Variants in ANLN observed in about 807,000 individuals in gnomAD.
The protein encoded by ANLN is anillin.
A neutral mutation model predicts 135.1 loss-of-function variants in ANLN; 59 were observed. The observed-to-expected ratio is 0.44, with a 90% CI of 0.35 to 0.54. The LOEUF is 0.54. Among genes scored for constraint, ANLN ranks in the 20% least tolerant of loss-of-function variants. ANLN has a pLI of 0.00. For missense variants in ANLN, 1,182 were observed against 1,340.0 expected, an observed-to-expected ratio of 0.88 and a Z score of 1.84; for synonymous variants, 406 against 456.4, an observed-to-expected ratio of 0.89 and a Z score of 1.41.
In ANLN at chr7:36,408,036, G is replaced by GA. The variant is rs1222919915; in HGVS notation, c.1096+82dup. 4 of 1,126,952 alleles carry GA rather than the reference G, an allele frequency of 3.5e-6. No individual in the cohort carries two copies. In the Admixed American group the frequency reaches 8.9e-5, roughly 25 times the overall value. The allele number at this position is 1,126,952 out of a possible 1,614,324, so 69.8% of individuals were successfully genotyped here. On this transcript the variant is annotated intron_variant, in intron 5 of 23. Transcript: ENST00000265748. ...CTCAGCATTTTAAATATTCAATTGTGAATGGTACAGCAATGATTTGCCAGG... is the reference window on the plus strand; with the variant it reads ...CTCAGCATTTTAAATATTCAATTGTGAAATGGTACAGCAATGATTTGCCAGG...
intron 22 of ANLN, 136 bp downstream of exon 22, chr7:36,443,998 T>A (rs1343400584): frequency 1.7e-6 from 1 of 593,066 alleles, no homozygotes; most frequent in Admixed American, 3.7e-5. Context: ...CCATTAAAAA[T>A]GTTCTTGTTG....
At chr7:36,398,256 C>T (rs890524815) in intron 2 of ANLN, among the ~76,000 whole-genome samples, 1 of 151,256 alleles carries the variant, frequency 6.6e-6, no homozygotes, top group African/African-American at 2.4e-5. Context: ...AATATTTGTA[C>T]TGGTGAATTT....
intron 15 of ANLN, 147 bp downstream of exon 15, chr7:36,424,090 G>A (rs1020753748): frequency 1.0e-5 from 9 of 877,698 alleles, no homozygotes; most frequent in Non-Finnish European, 1.3e-5. Flanking sequence ...CTTTCAATTT[G>A]TTGCTTTAAC....
At position 36,445,533 on chromosome 7, in the gene ANLN, A is replaced by G. The variant is rs749951563; in HGVS notation, c.3078+1671A>G. Among the ~76,000 whole-genome samples, 14 of 152,214 alleles carry G rather than the reference A, an allele frequency of 9.2e-5. No individual in the cohort carries two copies. In the Middle Eastern group the frequency reaches 0.014, roughly 148 times the overall value. ...CTTTAGATTGTCCCCTCTTCTCTGT[A>G]TAGTATACTTTTGTAAGAGCACATT... On this transcript the variant is annotated intron_variant, in intron 22 of 23. Coordinates refer to ENST00000265748, the MANE Select transcript of ANLN (RefSeq NM_018685.5).
In ANLN at chr7:36,401,702, G is replaced by A. The variant is rs376512823; in HGVS notation, c.487+2309G>A. Among the ~76,000 whole-genome samples the A allele has an allele frequency of 1.2e-4, 15 of 120,010 alleles. 4 individuals carry two copies. The South Asian group carries it at 3.0e-3, about 24-fold the overall frequency. 78.7% of individuals were successfully genotyped at this position (120,010 alleles called of 152,430 possible). A position where few individuals can be genotyped will look rare whatever the true frequency, so the allele number is the denominator to read the frequency against. On this transcript the variant is annotated intron_variant, in intron 3 of 23. Coordinates refer to ENST00000265748, the MANE Select transcript of ANLN (RefSeq NM_018685.5). Reference sequence around the variant, plus strand: ...CAATTAATACCTATTTATTTTAGCAGTGGTGAGGTAAGAGGTAGGACTCGA... The same window carrying A: ...CAATTAATACCTATTTATTTTAGCAATGGTGAGGTAAGAGGTAGGACTCGA...
chr7:36,390,427 C>G (rs550070054), intron 1 of ANLN: 143 of 250,842 alleles, frequency 5.7e-4, no homozygotes, highest in South Asian at 1.3e-3. Flanking sequence ...GGTCCGGGGC[C>G]GGTGACTCAG....
rs57379889 is a variant in ANLN, at chr7:36,435,872, C to CAAAA, written c.2884-3305_2884-3302dup. ...TGGGCGACAGAGCGAGACTCCGTCT[C>CAAAA]AAAAAAAAAAAAAAAAAAAAAAAAA... is the stretch of plus-strand genomic sequence containing the variant. On this transcript the variant is annotated intron_variant, in intron 20 of 23. Transcript: ENST00000265748. Among the ~76,000 whole-genome samples, 379 of 52,266 alleles carry CAAAA rather than the reference C, an allele frequency of 7.3e-3. 31 individuals are homozygous for CAAAA. The highest frequency in any genetic ancestry group is 0.013 in the African/African-American group (152 of 11,450). The allele number at this position is 52,266 out of a possible 152,430, so 34.3% of individuals were successfully genotyped here.
At chr7:36,428,832 G>T (rs933374357) in intron 20 of ANLN, among the ~76,000 whole-genome samples, 2 of 143,806 alleles carry the variant, frequency 1.4e-5, no homozygotes, top group Non-Finnish European at 3.0e-5. Context: ...AGGCTGGAGT[G>T]CAGTGGCGTG....
chr7:36,405,239 T>C (rs528479152), intron 3 of ANLN, among the ~76,000 whole-genome samples: 1 of 152,368 alleles, frequency 6.6e-6, no homozygotes, highest in South Asian at 2.1e-4. Context: ...AACTATATAG[T>C]AGGCTACACC....
intron 20 of ANLN, among the ~76,000 whole-genome samples, chr7:36,436,126 C>G (rs1397612887): frequency 1.3e-5 from 2 of 152,100 alleles, no homozygotes; most frequent in Non-Finnish European, 2.9e-5. Context: ...CATCTTCCCT[C>G]CCCCGAGCCC....
intron 19 of ANLN, 21 bp from the exon 20 acceptor site, chr7:36,426,895 T>C: frequency 1.3e-6 from 2 of 1,501,070 alleles, no homozygotes; most frequent in Admixed American, 2.1e-5. Context: ...GAACTAAACT[T>C]AATTTCCTCG....
chr7:36,425,978 TTA>T, intron 18 of ANLN, 35 bp from the exon 19 acceptor site: 3 of 1,463,166 alleles, frequency 2.1e-6, no homozygotes, highest in African/African-American at 1.4e-5. Flanking sequence ...GGGAAATAAC[TTA>T]TGTTTCTTCT....
At chr7:36,433,610 A>G (rs991975527) in intron 20 of ANLN, among the ~76,000 whole-genome samples, 1 of 152,162 alleles carries the variant, frequency 6.6e-6, no homozygotes, top group African/African-American at 2.4e-5. Flanking sequence ...ATTGTCTCTT[A>G]AAGTTATTTC....
chr7:36,425,664 A>G, intron 17 of ANLN, 38 bp from the exon 18 acceptor site: 1 of 1,468,334 alleles, frequency 6.8e-7, no homozygotes, highest in Non-Finnish European at 9.4e-7. Flanking sequence ...CATAATGTTT[A>G]ATAAGAAATA....
intron 23 of ANLN, 141 bp downstream of exon 23, chr7:36,449,978 C>A: frequency 1.5e-6 from 1 of 676,656 alleles, no homozygotes; most frequent in Non-Finnish European, 2.3e-6. Context: ...ACACACAAAG[C>A]AGTAAGTGAA....
At chr7:36,412,977 A>T (rs184737756) in intron 7 of ANLN, among the ~76,000 whole-genome samples, 1 of 151,836 alleles carries the variant, frequency 6.6e-6, no homozygotes, top group Non-Finnish European at 1.5e-5. Flanking sequence ...TTTTTCACCC[A>T]TGTCATCCTG....
chr7:36,415,390 TG>T (rs1787596755), intron 7 of ANLN, among the ~76,000 whole-genome samples: 2 of 134,138 alleles, frequency 1.5e-5, no homozygotes, highest in African/African-American at 5.6e-5. Context: ...GCTTTCACTT[TG>T]TTTTTTTATT....
At chr7:36,422,252 G>T (rs139955226) in intron 13 of ANLN, among the ~76,000 whole-genome samples, 51 of 151,628 alleles carry the variant, frequency 3.4e-4, no homozygotes, top group African/African-American at 1.2e-3. Context: ...ATGAATGAAT[G>T]AATCTCTATA....
rs760563732 is a variant in ANLN, at chr7:36,420,712, C to A, written c.2131C>A (p.Pro711Thr). The A allele has an allele frequency of 1.2e-5, 19 of 1,613,978 alleles. No individual in the cohort carries two copies. The highest frequency in any genetic ancestry group is 1.6e-5 in the Non-Finnish European group (19 of 1,179,932). ...SKLDEKNNAF[P>T]CQVNIKQKMQ... is the part of the protein sequence containing the mutation. ...ACTGGATGAAAAAAATAATGCCTTT[C>A]CTTGTCAAGTTAATATCAAACAGAA... The change falls in exon 12 of 24, where the codon CCT (proline) becomes ACT (threonine). Residue 711 changes from proline to threonine, a missense_variant. Coordinates refer to ENST00000265748, the MANE Select transcript of ANLN (RefSeq NM_018685.5).
Sources: allele counts gnomAD v4.1 joint callset (sites outside exome capture counted in the v4.1 genomes callset), GRCh38; gene constraint gnomAD v4.1.1; transcripts MANE v1.5; gene names NCBI Gene and HGNC (gene_info 2026-07-23, HGNC 2026-07-21).